PCDHGA3: variants seen among roughly 807,000 people sequenced by gnomAD.
PCDHGA3 encodes protocadherin gamma subfamily A, 3.
A neutral mutation model predicts 58.5 loss-of-function variants in PCDHGA3; 40 were observed. The observed-to-expected ratio is 0.68, with a 90% confidence interval of 0.53 to 0.89. PCDHGA3 has a LOEUF of 0.89. Ranked by LOEUF, PCDHGA3 falls within the 40% of genes least tolerant of loss-of-function variation. PCDHGA3 has a pLI of 0.00. For synonymous variants in PCDHGA3, 530 were observed against 525.7 expected (o/e 1.01, Z -0.11); for missense variants, 1,223 against 1,195.9 (o/e 1.02, Z -0.33).
At chr5:141,483,224 G>A (rs530779494) in intron 1 of PCDHGA3, among the ~76,000 whole-genome samples, 17 of 152,242 alleles carry the variant, frequency 1.1e-4, no homozygotes, top group Middle Eastern at 3.4e-3. Flanking sequence ...AGTCACTGCA[G>A]AAATTTGAAC....
intron 1 of PCDHGA3, chr5:141,383,689 G>A (rs773858539): frequency 1.9e-6 from 3 of 1,614,036 alleles, no homozygotes; most frequent in South Asian, 1.1e-5. Flanking sequence ...ACTGCTCACG[G>A]TACATGCTAT....
Position 141,346,168 on chromosome 5 carries a change from T to C in PCDHGA3, c.2135T>C (p.Leu712Pro), listed in dbSNP as rs1757707161. 3.1e-6 allele frequency: 5 copies of C among 1,614,048 alleles called. No homozygotes were observed. The highest frequency in any genetic ancestry group is 4.2e-6 in the Non-Finnish European group (5 of 1,179,936). The change falls in exon 1 of 4, where the codon CTG becomes CCG. Residue 712 changes from leucine to proline, a missense_variant. Around this residue, in one of 3 missense-constraint regions of PCDHGA3, gnomAD observed 325 missense variants for 327.5 expected, o/e 0.99. Transcript: ENST00000253812. ...TTCCTGGCCTTCGTCATCGTGCTGCTGGCGCTCAGGCTGCGGCGCTGGCAC... is the reference window on the plus strand; with the variant it reads ...TTCCTGGCCTTCGTCATCGTGCTGCCGGCGCTCAGGCTGCGGCGCTGGCAC... ...CVFLAFVIVL[L>P]ALRLRRWHKS... is the part of the protein sequence containing the mutation.
chr5:141,467,532 T>G (rs2099145568), intron 1 of PCDHGA3, among the ~76,000 whole-genome samples: 1 of 152,234 alleles, frequency 6.6e-6, no homozygotes, highest in Non-Finnish European at 1.5e-5. Flanking sequence ...TGTGCTGAGA[T>G]ATGGATCTGA....
rs774079222 is a variant in PCDHGA3 at position 141,491,314 on chromosome 5, C to T, written c.2425-3493C>T. On this transcript the variant is annotated intron_variant, in intron 1 of 3. Coordinates refer to ENST00000253812, the MANE Select transcript of PCDHGA3 (RefSeq NM_018916.4). This position sits in a 1 kb window ranked among gnomAD's most constrained non-coding sequence, Gnocchi z 6.9. ...CCCTCCTGAGCGTTCAGACCTTACC[C>T]TTTACCTCATTGTGGCTCTAGCGAC... The T allele has an allele frequency of 1.9e-6, 3 of 1,614,182 alleles. No individual in the cohort carries two copies. In the South Asian group the frequency reaches 3.3e-5, roughly 18 times the overall value.
At chr5:141,385,066 C>A (rs1780827434) in intron 1 of PCDHGA3, 1 of 1,614,194 alleles carries the variant, frequency 6.2e-7, no homozygotes, top group Non-Finnish European at 8.5e-7. Flanking sequence ...GCACAAGTCA[C>A]GCCTGCTGCA....
At chr5:141,385,188 T>A (rs1352073072) in intron 1 of PCDHGA3, 2 of 1,614,080 alleles carry the variant, frequency 1.2e-6, no homozygotes, top group African/African-American at 1.3e-5. Flanking sequence ...CCGCGGACTC[T>A]CGGAAGAGTC....
At chr5:141,350,497 G>A in intron 1 of PCDHGA3, 1 of 1,613,990 alleles carries the variant, frequency 6.2e-7, no homozygotes, top group Non-Finnish European at 8.5e-7. Flanking sequence ...TGGAGAGCGG[G>A]GATTTGTTAG....
In PCDHGA3 at chr5:141,486,270, G is replaced by A. The variant is rs1052584402; in HGVS notation, c.2425-8537G>A. 2 of 1,614,062 alleles carry A rather than the reference G, an allele frequency of 1.2e-6. No homozygotes were observed. Reference sequence around the variant, plus strand: ...ACCCTCCCCGAGAGTGCAGAACCTGGCACTGTGGTGGCACTTATCAGTGTG... The same window carrying A: ...ACCCTCCCCGAGAGTGCAGAACCTGACACTGTGGTGGCACTTATCAGTGTG... On this transcript the variant is annotated intron_variant, in intron 1 of 3. Coordinates refer to ENST00000253812, the MANE Select transcript of PCDHGA3 (RefSeq NM_018916.4). This position sits in a 1 kb window ranked among gnomAD's most constrained non-coding sequence, Gnocchi z 5.0.
intron 1 of PCDHGA3, chr5:141,400,044 G>T: frequency 1.2e-6 from 2 of 1,613,672 alleles, no homozygotes; most frequent in Non-Finnish European, 1.7e-6. Context: ...AGCGCCTGCT[G>T]GTTGCTGTGC....
At chr5:141,398,683 C>T (rs910361681) in intron 1 of PCDHGA3, 1 of 1,613,796 alleles carries the variant, frequency 6.2e-7, no homozygotes, top group African/African-American at 1.3e-5. Flanking sequence ...TAAGGAGAAA[C>T]AGGATGGTAG....
Position 141,491,009 on chromosome 5 carries a change from C to A in PCDHGA3, c.2425-3798C>A. On this transcript the variant is annotated intron_variant, in intron 1 of 3. Transcript: ENST00000253812. This position sits in a 1 kb window ranked among gnomAD's most constrained non-coding sequence, Gnocchi z 6.9. ...TCTGCTCCTCCTGGCTCCTTGGTCA[C>A]CAAGGTGACAGCCGTGGATGCTGAT... 4 of 1,614,140 alleles carry A rather than the reference C, an allele frequency of 2.5e-6. No homozygotes were observed. Among genetic ancestry groups the A allele is most frequent in the Non-Finnish European group, 3.4e-6 (4 of 1,180,038 alleles).
chr5:141,357,156 C>T (rs1352604728), intron 1 of PCDHGA3: 5 of 1,613,668 alleles, frequency 3.1e-6, no homozygotes, highest in East Asian at 2.2e-5. Flanking sequence ...ATGGCCAGCC[C>T]CCTCTCTCGG....
chr5:141,506,584 G>A (rs1413313164), intron 3 of PCDHGA3, among the ~76,000 whole-genome samples: 1 of 152,098 alleles, frequency 6.6e-6, no homozygotes, highest in African/African-American at 2.4e-5. Context: ...ACTATTAATG[G>A]GCACAGTATT....
At chr5:141,379,889 C>CTTTATTTTTTTTTTTTTTTTTTTTTTTT (rs1775940253) in intron 1 of PCDHGA3, among the ~76,000 whole-genome samples, 1 of 50,830 alleles carries the variant, frequency 2.0e-5, no homozygotes, top group Non-Finnish European at 3.9e-5. Flanking sequence ...GTGAAAGCCT[C>CTTTATTTTTTTTTTTTTTTTTTTTTTTT]TTTTTTTTTT....
intron 1 of PCDHGA3, among the ~76,000 whole-genome samples, chr5:141,353,694 C>T (rs1759356470): frequency 6.6e-6 from 1 of 152,122 alleles, no homozygotes; most frequent in Admixed American, 6.5e-5. Flanking sequence ...AAGCGTTTTC[C>T]ATACTTCTTG....
chr5:141,413,461 C>G (rs1294898087), intron 1 of PCDHGA3: 11 of 1,614,082 alleles, frequency 6.8e-6, no homozygotes, highest in Non-Finnish European at 7.6e-6. Flanking sequence ...CAGGATAGAC[C>G]GGGAGGAGCT....
chr5:141,422,410 T>C, intron 1 of PCDHGA3: 1 of 1,601,816 alleles, frequency 6.2e-7, no homozygotes, highest in Non-Finnish European at 8.5e-7. Context: ...GCCTTTTAAA[T>C]TAGAAAAGAC....
chr5:141,445,564 G>A (rs564704836), intron 1 of PCDHGA3, among the ~76,000 whole-genome samples: 20 of 152,306 alleles, frequency 1.3e-4, no homozygotes, highest in Admixed American at 1.2e-3. Context: ...CTAAGAGAAA[G>A]CTTATAGTAG....
Position 141,491,737 on chromosome 5 carries a change from G to C in PCDHGA3, c.2425-3070G>C, listed in dbSNP as rs548808722. 1.2e-6 allele frequency: 2 copies of C among 1,600,586 alleles called. No homozygotes were observed. The highest frequency in any genetic ancestry group is 2.7e-5 in the African/African-American group (2 of 74,486). On this transcript the variant is annotated intron_variant, in intron 1 of 3. Transcript: ENST00000253812. The surrounding 1 kb of genome is among the most constrained non-coding windows in gnomAD (Gnocchi z 6.9). ...GGCGCCGCCCCGGGCGACCCCTGGG[G>C]GCGGCACTGGAGAAGCCGCCCGTCC...
Sources: gnomAD v4.1 joint callset for allele counts (sites outside exome capture counted in the v4.1 genomes callset) on GRCh38, gnomAD v4.1.1 for gene constraint, gnomAD v4.1.1 regional missense constraint, Gnocchi (gnomAD v3.1) non-coding constraint, MANE v1.5 for transcripts, NCBI Gene and HGNC (gene_info 2026-07-23, HGNC 2026-07-21) for gene names.